CLIP4: variants seen among roughly 807,000 people sequenced by gnomAD.
CLIP4 encodes the protein CAP-Gly domain-containing linker protein 4.
Under a neutral mutation model 73.1 loss-of-function variants are expected in CLIP4, and 47 were observed. That is an observed-to-expected ratio of 0.64 (90% CI 0.51 to 0.82). The LOEUF (loss-of-function observed/expected upper bound fraction) is 0.82. CLIP4 is among the 40% of genes least tolerant of loss of function. The pLI is 0.00. For missense variants in CLIP4, 874 were observed against 852.9 expected, an observed-to-expected ratio of 1.02 and a Z score of -0.31; for synonymous variants, 306 against 295.4, an observed-to-expected ratio of 1.04 and a Z score of -0.37.
At chr2:29,142,896 A>T (rs1271801577) in intron 6 of CLIP4, among the ~76,000 whole-genome samples, 1 of 152,246 alleles carries the variant, frequency 6.6e-6, no homozygotes, top group Non-Finnish European at 1.5e-5. Flanking sequence ...CTTTTATGAT[A>T]CATATACCAT....
intron 14 of CLIP4, among the ~76,000 whole-genome samples, chr2:29,173,354 TTTTG>T (rs1224172126): frequency 1.3e-5 from 2 of 152,192 alleles, no homozygotes; most frequent in Non-Finnish European, 2.9e-5. Context: ...CGGTGTTTCG[TTTTG>T]TTTCTCATTT....
At chr2:29,100,310 A>G (rs1668003415) in intron 1 of CLIP4, among the ~76,000 whole-genome samples, 1 of 152,162 alleles carries the variant, frequency 6.6e-6, no homozygotes, top group South Asian at 2.1e-4. Flanking sequence ...TGTCTCTTGA[A>G]AGAGAAAATA....
At chr2:29,179,819 C>T (rs925439642) in intron 15 of CLIP4, among the ~76,000 whole-genome samples, 7 of 152,124 alleles carry the variant, frequency 4.6e-5, no homozygotes, top group Admixed American at 3.9e-4. Flanking sequence ...ATAGGTATTA[C>T]ATGTTTCTTT....
chr2:29,134,781 T>C (rs187014467), intron 5 of CLIP4, among the ~76,000 whole-genome samples: 53 of 152,308 alleles, frequency 3.5e-4, no homozygotes, highest in African/African-American at 1.3e-3. Context: ...AAGTATAACA[T>C]ATGATGCTAT....
chr2:29,168,512 C>CTTTTTT (rs35201336), intron 14 of CLIP4, among the ~76,000 whole-genome samples: 2 of 66,776 alleles, frequency 3.0e-5, no homozygotes, highest in East Asian at 3.4e-4. Context: ...ATGGTTTGCC[C>CTTTTTT]TTTTTTTTTT....
chr2:29,152,633 T>G, intron 8 of CLIP4, 52 bp from the exon 9 acceptor site: 2 of 1,572,916 alleles, frequency 1.3e-6, no homozygotes, highest in South Asian at 2.3e-5. Context: ...ACTTGTTCCT[T>G]TATTTGAAAT....
At chr2:29,129,445 G>A (rs572490672) in intron 2 of CLIP4, among the ~76,000 whole-genome samples, 1 of 151,468 alleles carries the variant, frequency 6.6e-6, no homozygotes, top group Non-Finnish European at 1.5e-5. Context: ...TAAGATCTCT[G>A]TGTCTGTTTG....
At chr2:29,160,664 T>A (rs1332146162) in intron 12 of CLIP4, among the ~76,000 whole-genome samples, 197 bp downstream of exon 12, 1 of 152,256 alleles carries the variant, frequency 6.6e-6, no homozygotes, top group African/African-American at 2.4e-5. Flanking sequence ...ATACATTTTT[T>A]TCTTGCCATT....
At chr2:29,168,632 C>T (rs1430427273) in intron 14 of CLIP4, among the ~76,000 whole-genome samples, 5 of 146,932 alleles carry the variant, frequency 3.4e-5, no homozygotes, top group African/African-American at 1.3e-4. Context: ...ACACCATTCT[C>T]CTGCCTCAGC....
intron 11 of CLIP4, 47 bp from the exon 12 acceptor site, chr2:29,160,286 C>G: frequency 6.2e-7 from 1 of 1,612,526 alleles, no homozygotes; most frequent in Non-Finnish European, 8.5e-7. Context: ...TTTGTTTTTT[C>G]TCCTCTTTTC....
upstream of CLIP4, among the ~76,000 whole-genome samples, chr2:29,112,198 G>T (rs1464882352): frequency 6.6e-6 from 1 of 152,096 alleles, no homozygotes; most frequent in Non-Finnish European, 1.5e-5. Context: ...GGCATGGCAG[G>T]TCTGCTCTGG....
chr2:29,143,299 CTG>C (rs36158452), intron 6 of CLIP4, among the ~76,000 whole-genome samples: 110,307 of 151,686 alleles, frequency 0.73, 41,437 homozygotes, highest in Middle Eastern at 0.84. Flanking sequence ...CTTTGGATCT[CTG>C]TGGAGATGCA....
chr2:29,131,027 A>AT, intron 2 of CLIP4: 2 of 904,252 alleles, frequency 2.2e-6, no homozygotes, highest in Non-Finnish European at 3.0e-6. Flanking sequence ...TGCTTTCCTC[A>AT]TGTGCAAAAT....
intron 14 of CLIP4, among the ~76,000 whole-genome samples, chr2:29,170,311 A>C (rs1386349047): frequency 2.6e-5 from 4 of 152,096 alleles, no homozygotes; most frequent in African/African-American, 9.7e-5. Flanking sequence ...TTCTATTTTT[A>C]GTTTTTTGAA....
At chr2:29,135,032 G>C (rs1158775890) in intron 5 of CLIP4, among the ~76,000 whole-genome samples, 1 of 151,910 alleles carries the variant, frequency 6.6e-6, no homozygotes, top group African/African-American at 2.4e-5. Context: ...GGTCTCTGAT[G>C]AAACTACTCA....
At chr2:29,142,174 G>A (rs3099569) in intron 6 of CLIP4, among the ~76,000 whole-genome samples, 28,129 of 151,312 alleles carry the variant, frequency 0.19, 2,826 homozygotes, top group Middle Eastern at 0.29. Context: ...TCCCTTAATC[G>A]TCTTTTATAG....
intron 8 of CLIP4, among the ~76,000 whole-genome samples, chr2:29,146,745 G>T (rs992049672): frequency 1.3e-5 from 2 of 152,164 alleles, no homozygotes; most frequent in Admixed American, 6.6e-5. Flanking sequence ...TTACTTACCA[G>T]CTATGTGACT....
chr2:29,181,563 T>G lies in CLIP4; in HGVS notation c.1797-9T>G. ...TAAATAATTTTTCCCACTTTTCCCT[T>G]CCGCACAGATCGAAAGCTGCTTTGC... is the stretch of plus-strand genomic sequence containing the variant. On this transcript the variant is annotated splice_polypyrimidine_tract_variant and intron_variant, in intron 15 of 15. Coordinates refer to ENST00000320081, the MANE Select transcript of CLIP4 (RefSeq NM_024692.6). The G allele has an allele frequency of 6.3e-7, 1 of 1,595,156 alleles. No homozygotes were observed. Among genetic ancestry groups the G allele is most frequent in the Non-Finnish European group, 8.6e-7 (1 of 1,168,832 alleles).
At chr2:29,165,292 AGAAAAG>A (rs1360491777) in intron 13 of CLIP4, among the ~76,000 whole-genome samples, 1 of 152,028 alleles carries the variant, frequency 6.6e-6, no homozygotes, top group African/African-American at 2.4e-5. Flanking sequence ...TTATAAATGA[AGAAAAG>A]GAAGCAGTAA....
Sources: allele counts gnomAD v4.1 joint callset (sites outside exome capture counted in the v4.1 genomes callset), GRCh38; gene constraint gnomAD v4.1.1; transcripts MANE v1.5; gene names NCBI Gene and HGNC (gene_info 2026-07-23, HGNC 2026-07-21).